Variants in KCNIP4 observed in about 807,000 individuals in gnomAD.
KCNIP4 encodes Kv channel-interacting protein 4.
Under a neutral mutation model 34.0 loss-of-function variants are expected in KCNIP4, and 12 were observed. The observed-to-expected ratio is 0.35, with a 90% CI of 0.23 to 0.57. The LOEUF (loss-of-function observed/expected upper bound fraction) is 0.57. Among genes scored for constraint, KCNIP4 ranks in the 20% least tolerant of loss-of-function variants. The pLI, the probability that KCNIP4 is intolerant of heterozygous loss-of-function variation, is 0.83. For synonymous variants in KCNIP4, 124 were observed against 102.2 expected, an observed-to-expected ratio of 1.21 and a Z score of -1.29; for missense variants, 238 against 311.7, an observed-to-expected ratio of 0.76 and a Z score of 1.78.
intron 1 of KCNIP4, among the ~76,000 whole-genome samples, chr4:21,401,478 C>T (rs1360988167): frequency 6.6e-6 from 1 of 152,160 alleles, no homozygotes; most frequent in Non-Finnish European, 1.5e-5. Flanking sequence ...TGCCACTGTT[C>T]AGAAAACTCA....
chr4:21,115,661 G>A (rs1749616685), intron 1 of KCNIP4, among the ~76,000 whole-genome samples: 1 of 152,126 alleles, frequency 6.6e-6, no homozygotes, highest in Non-Finnish European at 1.5e-5. Flanking sequence ...GTTCTATAGT[G>A]AAAGACAGAT....
At chr4:21,356,905 G>A (rs1393947064) in intron 1 of KCNIP4, among the ~76,000 whole-genome samples, 1 of 152,104 alleles carries the variant, frequency 6.6e-6, no homozygotes, top group Non-Finnish European at 1.5e-5. Context: ...CACGCTACCT[G>A]ACTTCAAACT....
At chr4:21,911,411 AAC>A (rs1728301183) in intron 1 of KCNIP4, among the ~76,000 whole-genome samples, 1 of 151,896 alleles carries the variant, frequency 6.6e-6, no homozygotes, top group Non-Finnish European at 1.5e-5. Context: ...AGTACTTCCT[AAC>A]ATCTATGTCC....
chr4:20,845,699 T>C (rs1720284128), intron 3 of KCNIP4, among the ~76,000 whole-genome samples: 1 of 152,154 alleles, frequency 6.6e-6, no homozygotes, highest in Non-Finnish European at 1.5e-5. Flanking sequence ...CTTTGAAGAA[T>C]CCAGCTGCCA....
intron 1 of KCNIP4, among the ~76,000 whole-genome samples, chr4:20,930,579 C>A (rs979038833): frequency 3.9e-5 from 6 of 152,014 alleles, no homozygotes; most frequent in African/African-American, 4.8e-5. Context: ...AGGCAACATA[C>A]AGACTGGGAA....
At chr4:21,459,539 AG>A (rs1560426653) in intron 1 of KCNIP4, among the ~76,000 whole-genome samples, 1 of 151,954 alleles carries the variant, frequency 6.6e-6, no homozygotes, top group Non-Finnish European at 1.5e-5. Context: ...AGCTCCCAAA[AG>A]TATAGCTCCT....
intron 1 of KCNIP4, among the ~76,000 whole-genome samples, chr4:21,053,668 C>T (rs532716984): frequency 1.3e-5 from 2 of 152,136 alleles, no homozygotes; most frequent in Admixed American, 6.5e-5. Flanking sequence ...AGTAAGGTTG[C>T]AGGATACAAG....
rs148275337 is a variant in KCNIP4, at chr4:21,071,897, G to A, written c.62-189188C>T. 4.6e-3 allele frequency among the ~76,000 whole-genome samples: 694 copies of A among 152,208 alleles called. 6 individuals carry two copies. The highest frequency in any genetic ancestry group is 0.016 in the African/African-American group (661 of 41,514). ...TATGAGTGACAACATGTGGTGTTTG[G>A]TTTTTTGTCCTTGCGATAGTTTGCT... On this transcript the variant is annotated intron_variant, in intron 1 of 8. Coordinates refer to ENST00000382152, the MANE Select transcript of KCNIP4 (RefSeq NM_025221.6).
intron 3 of KCNIP4, among the ~76,000 whole-genome samples, chr4:20,825,225 G>GTTTTTTTTTTTTTTTTTTTTTTT (rs71181592): frequency 3.5e-5 from 4 of 113,636 alleles, no homozygotes; most frequent in African/African-American, 6.9e-5. Flanking sequence ...TCAATTTTAC[G>GTTTTTTTTTTTTTTTTTTTTTTT]TTTTTTTTTT....
At chr4:21,849,866 T>C (rs1724265982) in intron 1 of KCNIP4, 1 of 152,094 alleles carries the variant, frequency 6.6e-6, no homozygotes, top group Non-Finnish European at 1.5e-5. Context: ...TCTGTGTGTG[T>C]GTGTGTTCCT....
chr4:21,649,529 A>C (rs1747308106), intron 1 of KCNIP4, among the ~76,000 whole-genome samples: 1 of 152,188 alleles, frequency 6.6e-6, no homozygotes, highest in African/African-American at 2.4e-5. Context: ...TGTCTTATGG[A>C]GTAGTTAGTT....
At chr4:20,734,793 A>AAAAAC (rs112956417) in intron 5 of KCNIP4, 58 bp from the exon 6 acceptor site, 55 of 981,744 alleles carry the variant, frequency 5.6e-5, no homozygotes, top group African/African-American at 1.5e-4. Flanking sequence ...AAAAACAAAA[A>AAAAAC]AAACAAATGA....
rs567481021 is a variant in KCNIP4 at position 21,073,990 on chromosome 4, G to C, written c.62-191281C>G. 1.2e-3 allele frequency among the ~76,000 whole-genome samples: 178 copies of C among 152,198 alleles called. 1 individual carries two copies. Among genetic ancestry groups the C allele is most frequent in the Non-Finnish European group, 1.7e-3 (115 of 67,994 alleles). On this transcript the variant is annotated intron_variant, in intron 1 of 8. Transcript: ENST00000382152. ...CCTTGCATCCCAGGGATGAAGCCCA[G>C]TTGATCATGGTGGATAAGCTTTTTG...
rs1025941300 is a variant in KCNIP4 at position 20,731,503 on chromosome 4, T to C, written c.705+503A>G. The stretch of plus-strand genomic sequence containing the variant: ...AGAGAAAATTTTCCACTGTTTATTT[T>C]TTGTGACTGAAGACCATTAGTGAGT... On this transcript the variant is annotated intron_variant, in intron 8 of 8. Coordinates refer to ENST00000382152, the MANE Select transcript of KCNIP4 (RefSeq NM_025221.6). The C allele has an allele frequency of 3.0e-6, 3 of 985,282 alleles. No homozygotes were observed. The African/African-American group carries it at 5.2e-5, about 17-fold the overall frequency. The allele number at this position is 985,282 out of a possible 1,614,324, so 61.0% of individuals were successfully genotyped here. A position where few individuals can be genotyped will look rare whatever the true frequency, so the allele number is the denominator to read the frequency against.
At chr4:21,879,003 C>T (rs1726304285) in intron 1 of KCNIP4, among the ~76,000 whole-genome samples, 1 of 152,112 alleles carries the variant, frequency 6.6e-6, no homozygotes, top group Admixed American at 6.6e-5. Context: ...CAAAATTTAT[C>T]CAACTAAAAT....
intron 2 of KCNIP4, among the ~76,000 whole-genome samples, chr4:20,878,361 C>G (rs962377550): frequency 1.3e-5 from 2 of 152,174 alleles, no homozygotes; most frequent in Non-Finnish European, 2.9e-5. Flanking sequence ...TTCTAGGACA[C>G]TCTCTCCAGA....
intron 1 of KCNIP4, among the ~76,000 whole-genome samples, chr4:21,145,275 T>C (rs1752270998): frequency 6.6e-6 from 1 of 152,156 alleles, no homozygotes; most frequent in South Asian, 2.1e-4. Flanking sequence ...CTTTTTCCAT[T>C]TTTAGTAAAG....
At chr4:21,752,945 T>C (rs1407576233) in intron 1 of KCNIP4, among the ~76,000 whole-genome samples, 3 of 152,198 alleles carry the variant, frequency 2.0e-5, no homozygotes, top group Non-Finnish European at 4.4e-5. Context: ...CTGCATAGCA[T>C]ATTGAATACT....
intron 1 of KCNIP4, among the ~76,000 whole-genome samples, chr4:21,825,538 G>A (rs980260329): frequency 6.6e-6 from 1 of 152,036 alleles, no homozygotes; most frequent in Non-Finnish European, 1.5e-5. Context: ...TACACTCAAA[G>A]GATAATTAGA....
Sources: gnomAD v4.1 joint callset for allele counts (sites outside exome capture counted in the v4.1 genomes callset) on GRCh38, gnomAD v4.1.1 for gene constraint, MANE v1.5 for transcripts, NCBI Gene and HGNC (gene_info 2026-07-23, HGNC 2026-07-21) for gene names.